RELN: variants seen among roughly 807,000 people sequenced by gnomAD.
RELN encodes the protein reelin.
RELN carries 108 observed loss-of-function variants against 427.6 expected under a neutral mutation model. The observed-to-expected ratio is 0.25, with a 90% CI of 0.22 to 0.30. RELN has a LOEUF of 0.30. Ranked by LOEUF, RELN falls within the 10% of genes least tolerant of loss-of-function variation. RELN has a pLI of 1.00. For synonymous variants in RELN, 1,524 were observed against 1,513.4 expected (o/e 1.01, Z -0.16); for missense variants, 3,715 against 4,302.8 (o/e 0.86, Z 3.82).
chr7:103,472,978 G>A (rs753474476), intron 64 of RELN, 70 bp from the exon 65 acceptor site: 6 of 1,220,248 alleles, frequency 4.9e-6, no homozygotes, highest in Admixed American at 3.4e-5. Flanking sequence ...ATCATTGAAC[G>A]TGCAATCTAT....
At chr7:103,735,949 T>C (rs1056035262) in intron 6 of RELN, among the ~76,000 whole-genome samples, 20 of 152,198 alleles carry the variant, frequency 1.3e-4, no homozygotes, top group African/African-American at 3.9e-4. Flanking sequence ...TCTGATTACT[T>C]AAAGTTCTTT....
At position 103,490,840 on chromosome 7, in the gene RELN, C is replaced by A; in HGVS notation, c.9444-11G>T. 6.2e-7 allele frequency: 1 copy of A among 1,614,048 alleles called. No homozygotes were observed. Among genetic ancestry groups the A allele is most frequent in the Non-Finnish European group, 8.5e-7 (1 of 1,179,968 alleles). On this transcript the variant is annotated splice_polypyrimidine_tract_variant and intron_variant, in intron 58 of 64. Transcript: ENST00000428762. The stretch of plus-strand genomic sequence containing the variant: ...TGCCAGGAATCCGATCTGCAGAAAC[C>A]AAAAGGCTTTGTTAGACAAATTGTA...
chr7:103,750,601 C>T (rs1163976342), intron 5 of RELN, among the ~76,000 whole-genome samples: 4 of 152,166 alleles, frequency 2.6e-5, no homozygotes, highest in African/African-American at 7.2e-5. Flanking sequence ...AACATTCTGG[C>T]TATTTATTCT....
chr7:103,520,957 A>ATTATTT (rs1829688479), intron 48 of RELN, among the ~76,000 whole-genome samples: 1 of 79,186 alleles, frequency 1.3e-5, no homozygotes, highest in African/African-American at 4.9e-5. Context: ...TAAATTTGTT[A>ATTATTT]TTTTTTTTTT....
intron 2 of RELN, among the ~76,000 whole-genome samples, chr7:103,872,532 A>G (rs1242310460): frequency 7.5e-6 from 1 of 132,616 alleles, no homozygotes; most frequent in African/African-American, 2.7e-5. Flanking sequence ...ATACGTGTGC[A>G]TGTGTCTTTA....
At position 103,501,096 on chromosome 7, in the gene RELN, C is replaced by T. The variant is rs76545984; in HGVS notation, c.8490-174G>A. ...CACTCTTATCTTTCTAGTAATGGAACTTTCAAGCTGGTTTTATTGAAATTT... is the reference window on the plus strand; with the variant it reads ...CACTCTTATCTTTCTAGTAATGGAATTTTCAAGCTGGTTTTATTGAAATTT... On this transcript the variant is annotated intron_variant, in intron 52 of 64. Transcript: ENST00000428762. 0.015 allele frequency among the ~76,000 whole-genome samples: 2,315 copies of T among 152,212 alleles called. 63 individuals carry two copies. The highest frequency in any genetic ancestry group is 0.053 in the African/African-American group (2,209 of 41,534).
At chr7:103,949,035 A>C (rs1432979900) in intron 1 of RELN, among the ~76,000 whole-genome samples, 2 of 151,232 alleles carry the variant, frequency 1.3e-5, no homozygotes, top group Non-Finnish European at 1.5e-5. Context: ...AAAAAAAAAA[A>C]AAAAAAAAAA....
chr7:103,743,939 C>T (rs1313088607), intron 6 of RELN, among the ~76,000 whole-genome samples: 3 of 152,162 alleles, frequency 2.0e-5, no homozygotes, highest in Non-Finnish European at 4.4e-5. Flanking sequence ...GAACTCTCCA[C>T]CCCAAATCAA....
chr7:103,972,691 C>T (rs1369811936), intron 1 of RELN, among the ~76,000 whole-genome samples: 2 of 152,128 alleles, frequency 1.3e-5, no homozygotes, highest in African/African-American at 4.8e-5. Context: ...TGATGAGATG[C>T]GGCATCACTG....
intron 21 of RELN, 67 bp from the exon 22 acceptor site, chr7:103,610,874 C>A (rs983421202): frequency 2.3e-6 from 2 of 857,398 alleles, no homozygotes; most frequent in African/African-American, 1.6e-5. Flanking sequence ...TGTCTACTCA[C>A]CCACTGTAAG....
intron 2 of RELN, among the ~76,000 whole-genome samples, chr7:103,916,481 T>G (rs1465043527): frequency 6.6e-6 from 1 of 152,136 alleles, no homozygotes; most frequent in African/African-American, 2.4e-5. Flanking sequence ...AAACTAGAGA[T>G]TCCTAAGTTG....
intron 2 of RELN, among the ~76,000 whole-genome samples, chr7:103,867,161 C>A (rs896905286): frequency 6.6e-6 from 1 of 152,032 alleles, no homozygotes; most frequent in Non-Finnish European, 1.5e-5. Flanking sequence ...TTACCTGAAG[C>A]AATTTAACTA....
intron 17 of RELN, among the ~76,000 whole-genome samples, chr7:103,638,454 G>A (rs1486255269): frequency 2.0e-5 from 3 of 152,176 alleles, no homozygotes; most frequent in African/African-American, 7.2e-5. Context: ...AGTAAAACAC[G>A]GGGGAGAGGT....
chr7:103,618,834 A>T (rs781603543), intron 20 of RELN, among the ~76,000 whole-genome samples: 8 of 152,078 alleles, frequency 5.3e-5, no homozygotes, highest in Non-Finnish European at 8.8e-5. Flanking sequence ...TTACACTGGC[A>T]GGGTGTGGTG....
At chr7:103,892,575 C>G (rs977826045) in intron 2 of RELN, among the ~76,000 whole-genome samples, 1 of 152,160 alleles carries the variant, frequency 6.6e-6, no homozygotes, top group Admixed American at 6.5e-5. Flanking sequence ...AAGATCACAA[C>G]CAATTTCTGT....
At chr7:103,593,193 T>C (rs1831460548) in intron 27 of RELN, among the ~76,000 whole-genome samples, 1 of 152,188 alleles carries the variant, frequency 6.6e-6, no homozygotes, top group Admixed American at 6.5e-5. Context: ...CATGTTGATA[T>C]GTTATCACAG....
At chr7:103,835,768 C>G (rs972228032) in intron 2 of RELN, among the ~76,000 whole-genome samples, 2 of 152,068 alleles carry the variant, frequency 1.3e-5, no homozygotes, top group African/African-American at 4.8e-5. Flanking sequence ...AAATACCATG[C>G]CTTCTATACC....
intron 6 of RELN, among the ~76,000 whole-genome samples, chr7:103,739,956 A>G (rs1167226519): frequency 6.6e-6 from 1 of 152,176 alleles, no homozygotes; most frequent in African/African-American, 2.4e-5. Context: ...CTGCTCAGAA[A>G]CAGTGGTGAG....
intron 6 of RELN, among the ~76,000 whole-genome samples, chr7:103,730,008 G>A (rs920171636): frequency 1.3e-5 from 2 of 151,990 alleles, no homozygotes; most frequent in African/African-American, 4.8e-5. Context: ...AAAGTACAGT[G>A]AAGTAGCACA....
Sources: gnomAD v4.1 joint callset for allele counts (sites outside exome capture counted in the v4.1 genomes callset) on GRCh38, gnomAD v4.1.1 for gene constraint, MANE v1.5 for transcripts, NCBI Gene and HGNC (gene_info 2026-07-23, HGNC 2026-07-21) for gene names.